MTMR12: variants seen among roughly 807,000 people sequenced by gnomAD.
MTMR12 encodes the protein myotubularin related protein 12, also known as myotubularin-related protein 12.
In MTMR12, 33 loss-of-function variants were observed where a neutral mutation model predicts 96.7. The ratio of observed to expected loss-of-function variants is 0.34; its 90% CI spans 0.26 to 0.46. MTMR12 has a LOEUF of 0.46. Among genes scored for constraint, MTMR12 ranks in the 20% least tolerant of loss-of-function variants. The probability of loss-of-function intolerance (pLI) is 1.00; values close to 1 mark genes in which losing one functional copy is unlikely to be tolerated. For synonymous variants in MTMR12, 298 were observed against 327.2 expected (o/e 0.91, Z 0.96); for missense variants, 721 against 896.1 (o/e 0.80, Z 2.49).
chr5:32,269,157 G>C (rs1749728860), intron 5 of MTMR12, among the ~76,000 whole-genome samples: 1 of 151,956 alleles, frequency 6.6e-6, no homozygotes, highest in African/African-American at 2.4e-5. Flanking sequence ...CTCCAGAGTA[G>C]CTGGGATTAC....
At chr5:32,242,563 C>G (rs530120347) in intron 11 of MTMR12, among the ~76,000 whole-genome samples, 1 of 152,116 alleles carries the variant, frequency 6.6e-6, no homozygotes, top group African/African-American at 2.4e-5. Context: ...TTGTCTCTCT[C>G]TACACGTTAT....
Position 32,234,953 on chromosome 5 carries a change from G to C in MTMR12, c.1512+9C>G. ...CTTTAATACACAGGTTCCTAAGAGGGACTCTTACCATGTTAGTATCTTTTT... is the reference window on the plus strand; with the variant it reads ...CTTTAATACACAGGTTCCTAAGAGGCACTCTTACCATGTTAGTATCTTTTT... On this transcript the variant is annotated intron_variant, in intron 14 of 15. Coordinates refer to ENST00000382142, the MANE Select transcript of MTMR12 (RefSeq NM_001040446.3). 6.2e-7 allele frequency: 1 copy of C among 1,606,400 alleles called. No individual in the cohort carries two copies. Among genetic ancestry groups the C allele is most frequent in the Non-Finnish European group, 8.5e-7 (1 of 1,174,146 alleles).
rs1047840742 is a variant in MTMR12 at position 32,276,191 on chromosome 5, C to T, written c.142+491G>A. Among the ~76,000 whole-genome samples the T allele has an allele frequency of 3.3e-5, 5 of 152,246 alleles. No homozygotes were observed. In the South Asian group the frequency reaches 6.2e-4, roughly 19 times the overall value. ...TATTTAACCAATCCAGGCTCCTTCG[C>T]AATGACTGCAGGGCGAAGTGCTGGC... On this transcript the variant is annotated intron_variant, in intron 2 of 15. Transcript: ENST00000382142.
At chr5:32,239,297 T>C (rs1395117453) in intron 12 of MTMR12, 124 bp from the exon 13 acceptor site, 2 of 1,017,414 alleles carry the variant, frequency 2.0e-6, no homozygotes, top group African/African-American at 3.2e-5. Context: ...CTATTAACAG[T>C]CATGTTCTTA....
chr5:32,249,042 A>G (rs1748807067), intron 8 of MTMR12, among the ~76,000 whole-genome samples, 164 bp from the exon 9 acceptor site: 1 of 152,244 alleles, frequency 6.6e-6, no homozygotes, highest in Non-Finnish European at 1.5e-5. Context: ...ACAATGAAAA[A>G]GAATGATTTA....
intron 1 of MTMR12, among the ~76,000 whole-genome samples, chr5:32,302,831 T>G (rs1464295798): frequency 6.6e-6 from 1 of 152,120 alleles, no homozygotes; most frequent in Non-Finnish European, 1.5e-5. Flanking sequence ...AATAACTAAG[T>G]GTTCTCATTA....
At chr5:32,309,437 GA>G (rs1751494049) in intron 1 of MTMR12, among the ~76,000 whole-genome samples, 1 of 152,190 alleles carries the variant, frequency 6.6e-6, no homozygotes, top group Admixed American at 6.5e-5. Context: ...ATAACCCACT[GA>G]ATGAGAGAAA....
rs781350651 is a variant in MTMR12 at position 32,263,153 on chromosome 5, T to C, written c.673A>G (p.Lys225Glu). 3.7e-6 allele frequency: 6 copies of C among 1,614,242 alleles called. No individual in the cohort carries two copies. Among genetic ancestry groups the C allele is most frequent in the Non-Finnish European group, 1.7e-6 (2 of 1,180,042 alleles). The change falls in exon 7 of 16, where the codon AAA becomes GAA. Residue 225 changes from lysine (K) to glutamate (E), a missense_variant. By Grantham distance (56) the Lys-to-Glu change is moderately conservative (BLOSUM62 1). Coordinates refer to ENST00000382142, the MANE Select transcript of MTMR12 (RefSeq NM_001040446.3). The stretch of plus-strand genomic sequence containing the variant: ...TAGCCTTCGTTGACACTCACTGCTT[T>C]GTACTTCATGTTGCCTTTGGTCCGT... ...LERTKGNMKY[K>E]AVSVNEGYKV...
intron 6 of MTMR12, among the ~76,000 whole-genome samples, chr5:32,265,675 T>C (rs989739897): frequency 7.2e-5 from 11 of 152,372 alleles, no homozygotes; most frequent in African/African-American, 2.4e-4. Flanking sequence ...ATAAATTTTA[T>C]GTTCAACCTA....
chr5:32,287,297 C>T (rs1032607384), intron 1 of MTMR12, among the ~76,000 whole-genome samples: 3 of 152,104 alleles, frequency 2.0e-5, no homozygotes, highest in Middle Eastern at 3.2e-3. Flanking sequence ...ATCTGGTGGA[C>T]CAATCTAATC....
intron 2 of MTMR12, 21 bp downstream of exon 2, chr5:32,276,661 C>T (rs752494383): frequency 6.2e-7 from 1 of 1,605,882 alleles, no homozygotes; most frequent in Non-Finnish European, 8.5e-7. Context: ...ATAGGAGTTA[C>T]TATGCTAACA....
chr5:32,312,273 G>A lies in MTMR12; in HGVS notation c.81+485C>T, dbSNP rs1751626266. On this transcript the variant is annotated intron_variant, in intron 1 of 15. Coordinates refer to ENST00000382142, the MANE Select transcript of MTMR12 (RefSeq NM_001040446.3). This position sits in a 1 kb window ranked among gnomAD's most constrained non-coding sequence, Gnocchi z 5.0. ...CCCGCAGCGCTGACGGGAGGCGGACGTAGGTGCAGGGCATCCCGCCAGCCG... is the reference window on the plus strand; with the variant it reads ...CCCGCAGCGCTGACGGGAGGCGGACATAGGTGCAGGGCATCCCGCCAGCCG... Among the ~76,000 whole-genome samples the A allele has an allele frequency of 6.6e-6, 1 of 152,194 alleles. No homozygotes were observed. Among genetic ancestry groups the A allele is most frequent in the South Asian group, 2.1e-4 (1 of 4,830 alleles).
intron 1 of MTMR12, among the ~76,000 whole-genome samples, chr5:32,286,000 C>A (rs1283517044): frequency 6.6e-6 from 1 of 152,092 alleles, no homozygotes; most frequent in African/African-American, 2.4e-5. Flanking sequence ...CAATTCATTT[C>A]AACAAATAGC....
chr5:32,280,051 G>T (rs1214463959), intron 1 of MTMR12, among the ~76,000 whole-genome samples: 1 of 152,222 alleles, frequency 6.6e-6, no homozygotes, highest in Non-Finnish European at 1.5e-5. Flanking sequence ...CTGAGAGGCA[G>T]CCTGGTGGTA....
At chr5:32,286,391 G>A (rs756208666) in intron 1 of MTMR12, among the ~76,000 whole-genome samples, 5 of 151,982 alleles carry the variant, frequency 3.3e-5, no homozygotes, top group South Asian at 2.1e-4. Flanking sequence ...TTAGCCAGGC[G>A]TGGTGGCATG....
intron 1 of MTMR12, among the ~76,000 whole-genome samples, chr5:32,281,461 A>G (rs1290326997): frequency 6.6e-6 from 1 of 152,152 alleles, no homozygotes; most frequent in Non-Finnish European, 1.5e-5. Context: ...GCCAGGGTAA[A>G]GGAAATAGCA....
At chr5:32,274,387 T>A (rs926485440) in intron 2 of MTMR12, among the ~76,000 whole-genome samples, 1 of 152,052 alleles carries the variant, frequency 6.6e-6, no homozygotes, top group African/African-American at 2.4e-5. Flanking sequence ...CTGGGAATAA[T>A]GGAAATTTCC....
At position 32,312,795 on chromosome 5, in the gene MTMR12, G is replaced by A. The variant is rs779217202; in HGVS notation, c.44C>T (p.Ala15Val). The change falls in exon 1 of 16, where the codon GCC becomes GTC. Residue 15 changes from alanine to valine, a missense_variant. By Grantham distance (64) the Ala-to-Val change is moderately conservative (BLOSUM62 0). Transcript: ENST00000382142. The surrounding 1 kb of genome is among the most constrained non-coding windows in gnomAD (Gnocchi z 5.0). ...GVVGGGGGTK[A>V]PKPSFVSYVR... The stretch of plus-strand genomic sequence containing the variant: ...GTACGACACGAAGGAGGGCTTGGGG[G>A]CCTTGGTGCCGCCGCCACCGCCGAC... 6 of 1,533,174 alleles carry A rather than the reference G, an allele frequency of 3.9e-6. No homozygotes were observed. Among genetic ancestry groups the A allele is most frequent in the South Asian group, 2.4e-5 (2 of 84,456 alleles). The allele number at this position is 1,533,174 out of a possible 1,614,324, so 95.0% of individuals were successfully genotyped here.
chr5:32,278,535 T>C (rs939621653), intron 1 of MTMR12, among the ~76,000 whole-genome samples: 11 of 152,208 alleles, frequency 7.2e-5, no homozygotes, highest in African/African-American at 2.6e-4. Flanking sequence ...TTTTTGAGCA[T>C]GGTATAAATT....
Sources: gnomAD v4.1 joint callset for allele counts (sites outside exome capture counted in the v4.1 genomes callset) on GRCh38, gnomAD v4.1.1 for gene constraint, Gnocchi (gnomAD v3.1) non-coding constraint, MANE v1.5 for transcripts, NCBI Gene and HGNC (gene_info 2026-07-23, HGNC 2026-07-21) for gene names.